CNTNAP2: variants seen among roughly 807,000 people sequenced by gnomAD.
CNTNAP2 encodes contactin associated protein 2, also known as contactin-associated protein-like 2.
Under a neutral mutation model 155.2 loss-of-function variants are expected in CNTNAP2, and 98 were observed. The observed-to-expected ratio is 0.63, with a 90% CI of 0.54 to 0.75. The LOEUF is 0.75. Among genes scored for constraint, CNTNAP2 ranks in the 30% least tolerant of loss-of-function variants. The pLI, the probability that CNTNAP2 is intolerant of heterozygous loss-of-function variation, is 0.00. For synonymous variants in CNTNAP2, 651 were observed against 631.2 expected (o/e 1.03, Z -0.47); for missense variants, 1,727 against 1,688.1 (o/e 1.02, Z -0.40).
intron 13 of CNTNAP2, among the ~76,000 whole-genome samples, chr7:147,755,236 C>T (rs890268045): frequency 5.3e-5 from 8 of 152,156 alleles, no homozygotes; most frequent in Non-Finnish European, 1.2e-4. Context: ...TCTTCCTGGG[C>T]ATCACCTCTG....
chr7:147,575,797 T>C (rs1800387274), intron 12 of CNTNAP2, among the ~76,000 whole-genome samples: 1 of 152,014 alleles, frequency 6.6e-6, no homozygotes, highest in Non-Finnish European at 1.5e-5. Context: ...AAGTGTTTAT[T>C]ATTGATTATC....
At chr7:148,413,401 A>AAAAAAAAAAAAAATATATATATATAT (rs1442990213) in intron 23 of CNTNAP2, among the ~76,000 whole-genome samples, 1 of 45,376 alleles carries the variant, frequency 2.2e-5, no homozygotes, top group African/African-American at 1.3e-4. Context: ...TCAAAAAAAA[A>AAAAAAAAAAAAAATATATATATATAT]ATATATATAT....
intron 3 of CNTNAP2, among the ~76,000 whole-genome samples, chr7:146,887,646 G>T (rs555054019): frequency 6.6e-6 from 1 of 151,932 alleles, no homozygotes; most frequent in Admixed American, 6.6e-5. Context: ...CAGGCATACG[G>T]TCTATATTCC....
chr7:147,377,143 C>CG (rs1275029902), intron 9 of CNTNAP2, among the ~76,000 whole-genome samples: 112 of 150,598 alleles, frequency 7.4e-4, no homozygotes, highest in Non-Finnish European at 1.3e-3. Flanking sequence ...TTCTCCCCCC[C>CG]CTTTTGGTTG....
intron 9 of CNTNAP2, among the ~76,000 whole-genome samples, chr7:147,348,248 CCATCTACT>C (rs1795909978): frequency 6.6e-6 from 1 of 151,894 alleles, no homozygotes; most frequent in South Asian, 2.1e-4. Context: ...GAAATATTTT[CCATCTACT>C]CATTAGAAGA....
At chr7:147,108,100 G>T (rs759022212) in intron 4 of CNTNAP2, 47 bp from the exon 5 acceptor site, 1 of 1,540,164 alleles carries the variant, frequency 6.5e-7, no homozygotes, top group Non-Finnish European at 8.9e-7. Context: ...GAAGTGGATG[G>T]TAACATACAT....
chr7:147,148,185 T>A (rs1316332606), intron 8 of CNTNAP2, among the ~76,000 whole-genome samples: 3 of 151,332 alleles, frequency 2.0e-5, no homozygotes, highest in Non-Finnish European at 2.9e-5. Context: ...GGTCAGGAGA[T>A]CGAGACCATC....
intron 1 of CNTNAP2, among the ~76,000 whole-genome samples, chr7:146,218,669 CT>C (rs1186844558): frequency 1.3e-5 from 2 of 152,214 alleles, no homozygotes; most frequent in Admixed American, 1.3e-4. Context: ...AAGTCCTCCA[CT>C]TTTGGAGAAG....
intron 20 of CNTNAP2, among the ~76,000 whole-genome samples, chr7:148,266,714 T>C (rs535067535): frequency 6.6e-6 from 1 of 152,238 alleles, no homozygotes; most frequent in South Asian, 2.1e-4. Context: ...ACACTGGAGA[T>C]TGGATCAAGC....
At chr7:146,710,109 A>G (rs1438916461) in intron 1 of CNTNAP2, among the ~76,000 whole-genome samples, 1 of 152,192 alleles carries the variant, frequency 6.6e-6, no homozygotes, top group Non-Finnish European at 1.5e-5. Flanking sequence ...CCAGGGCAGG[A>G]AGTGTGGCTC....
chr7:146,431,460 T>G (rs1323049462), intron 1 of CNTNAP2, among the ~76,000 whole-genome samples: 1 of 152,064 alleles, frequency 6.6e-6, no homozygotes, highest in Non-Finnish European at 1.5e-5. Context: ...CAATCTTATC[T>G]TGTACATAAA....
chr7:147,421,479 T>C (rs1797289533), intron 10 of CNTNAP2, among the ~76,000 whole-genome samples: 1 of 151,800 alleles, frequency 6.6e-6, no homozygotes, highest in African/African-American at 2.4e-5. Context: ...ACAAATACAA[T>C]TAACTAATGT....
At chr7:147,050,596 G>A (rs1319640717) in intron 4 of CNTNAP2, among the ~76,000 whole-genome samples, 2 of 152,148 alleles carry the variant, frequency 1.3e-5, no homozygotes, top group Admixed American at 1.3e-4. Flanking sequence ...TTTTCATGCT[G>A]TGTTGATGGC....
At chr7:146,720,978 CTATATATACTGTATA>C (rs1378868773) in intron 1 of CNTNAP2, among the ~76,000 whole-genome samples, 29 of 121,920 alleles carry the variant, frequency 2.4e-4, no homozygotes, top group African/African-American at 9.6e-4. Context: ...TATATATAGA[CTATATATACTGTATA>C]TATATAGTCT....
chr7:147,855,577 A>G (rs1799021526), intron 13 of CNTNAP2, among the ~76,000 whole-genome samples: 1 of 152,096 alleles, frequency 6.6e-6, no homozygotes, highest in African/African-American at 2.4e-5. Flanking sequence ...ACGTGAGATC[A>G]GGAGTTTGAG....
intron 11 of CNTNAP2, among the ~76,000 whole-genome samples, chr7:147,558,912 T>A (rs534632914): frequency 1.3e-5 from 2 of 152,076 alleles, no homozygotes; most frequent in Non-Finnish European, 2.9e-5. Flanking sequence ...CCAGCTAATT[T>A]TTGTATTTTT....
chr7:147,410,094 A>G (rs1797078250), intron 10 of CNTNAP2, among the ~76,000 whole-genome samples: 1 of 152,232 alleles, frequency 6.6e-6, no homozygotes. Context: ...TAGAAAGACA[A>G]TCCATGCAGA....
chr7:147,255,990 C>G (rs1270602757), intron 8 of CNTNAP2, among the ~76,000 whole-genome samples: 2 of 152,132 alleles, frequency 1.3e-5, no homozygotes, highest in Non-Finnish European at 2.9e-5. Context: ...ATCCCCCTGC[C>G]TTGGCCTCCT....
intron 13 of CNTNAP2, among the ~76,000 whole-genome samples, chr7:147,732,181 T>TCCCCC (rs199519152): frequency 3.9e-3 from 418 of 108,498 alleles, no homozygotes; most frequent in Non-Finnish European, 5.3e-3. Context: ...ATGCTATCCC[T>TCCCCC]CCCCCCCCCA....
Sources: gnomAD v4.1 joint callset for allele counts (sites outside exome capture counted in the v4.1 genomes callset) on GRCh38, gnomAD v4.1.1 for gene constraint, MANE v1.5 for transcripts, NCBI Gene and HGNC (gene_info 2026-07-23, HGNC 2026-07-21) for gene names.